Variants in LOXL2 observed in about 807,000 individuals in gnomAD.
The protein encoded by LOXL2 is lysyl oxidase homolog 2.
In LOXL2, 70 loss-of-function variants were observed where a neutral mutation model predicts 93.0. The ratio of observed to expected loss-of-function variants is 0.75; its 90% CI spans 0.62 to 0.92. The LOEUF is 0.92. Among genes scored for constraint, LOXL2 ranks in the 40% least tolerant of loss-of-function variants. The pLI, the probability that LOXL2 is intolerant of heterozygous loss-of-function variation, is 0.00. For synonymous variants in LOXL2, 438 were observed against 413.2 expected, an observed-to-expected ratio of 1.06 and a Z score of -0.73; for missense variants, 973 against 1,054.9, an observed-to-expected ratio of 0.92 and a Z score of 1.08.
intron 9 of LOXL2, among the ~76,000 whole-genome samples, chr8:23,315,465 G>C (rs1006267691): frequency 6.6e-6 from 1 of 152,184 alleles, no homozygotes; most frequent in Non-Finnish European, 1.5e-5. Context: ...CCTAAGCTGT[G>C]GAGCATTCTG....
intron 5 of LOXL2, among the ~76,000 whole-genome samples, chr8:23,332,609 TACAC>T (rs1171410690): frequency 5.7e-5 from 4 of 69,778 alleles, no homozygotes; most frequent in Non-Finnish European, 1.0e-4. Context: ...CTCACAATCA[TACAC>T]ACCCAACACA....
intron 1 of LOXL2, among the ~76,000 whole-genome samples, chr8:23,383,045 T>G (rs1409145230): frequency 6.6e-6 from 1 of 152,150 alleles, no homozygotes; most frequent in East Asian, 1.9e-4. Flanking sequence ...GTACCTAACA[T>G]GCCTCTCCGT....
chr8:23,384,680 G>T (rs555857958), intron 1 of LOXL2, among the ~76,000 whole-genome samples: 4 of 152,122 alleles, frequency 2.6e-5, no homozygotes, highest in Non-Finnish European at 4.4e-5. Context: ...TTTGAAGGCC[G>T]AGGCGGGCGG....
chr8:23,309,994 C>A lies in LOXL2; in HGVS notation c.1637-83G>T, dbSNP rs557035355. 473 of 1,372,796 alleles carry A rather than the reference C, an allele frequency of 3.4e-4. 1 individual carries two copies. The highest frequency in any genetic ancestry group is 4.4e-4 in the Non-Finnish European group (459 of 1,049,450). 85.0% of individuals were successfully genotyped at this position (1,372,796 alleles called of 1,614,324 possible). A position where few individuals can be genotyped will look rare whatever the true frequency, so the allele number is the denominator to read the frequency against. On this transcript the variant is annotated intron_variant, in intron 9 of 13. Transcript: ENST00000389131. Reference sequence around the variant, plus strand: ...TTCTGATTCTTGAGCTGGGACAAACCCCCTCTCCTGCCTACCGCCACCTTC... The same window carrying A: ...TTCTGATTCTTGAGCTGGGACAAACACCCTCTCCTGCCTACCGCCACCTTC...
rs1803624089 is a variant in LOXL2, at chr8:23,328,522, C to T, written c.1010G>A (p.Gly337Asp). 1 of 1,613,920 alleles carries T rather than the reference C, an allele frequency of 6.2e-7. No homozygotes were observed. The highest frequency in any genetic ancestry group is 1.1e-5 in the South Asian group (1 of 91,088). ...TCCATTTTTGAGCACCTCCACGCGG[C>T]CCTCCCCGATGTAGGCACCGCCTCT... Reference protein sequence around the residue: ...RLRGGAYIGEGRVEVLKNGEW... With the variant: ...RLRGGAYIGEDRVEVLKNGEW... The change falls in exon 6 of 14, where the codon GGC becomes GAC. Residue 337 changes from glycine (G) to aspartate (D), a missense_variant. Coordinates refer to ENST00000389131, the MANE Select transcript of LOXL2 (RefSeq NM_002318.3).
rs544079260 is a variant in LOXL2, at chr8:23,297,906, C to G, written c.*137G>C. On this transcript the variant is annotated 3_prime_UTR_variant, in exon 14 of 14. Coordinates refer to ENST00000389131, the MANE Select transcript of LOXL2 (RefSeq NM_002318.3). ...GTCCCTTTCCTCCTGAGCTTAGACA[C>G]AGCTGTAGGGGTCTGGACAGGGTGG... 260 of 661,016 alleles carry G rather than the reference C, an allele frequency of 3.9e-4. No individual in the cohort carries two copies. The African/African-American group carries it at 4.3e-3, about 11-fold the overall frequency. 40.9% of individuals were successfully genotyped at this position (661,016 alleles called of 1,614,324 possible). A position where few individuals can be genotyped will look rare whatever the true frequency, so the allele number is the denominator to read the frequency against.
chr8:23,300,691 G>A (rs955849032), intron 12 of LOXL2, among the ~76,000 whole-genome samples: 2 of 152,212 alleles, frequency 1.3e-5, no homozygotes, highest in Non-Finnish European at 2.9e-5. Context: ...TGATATGTCT[G>A]GGGTTGGGTG....
rs536829016 is a variant in LOXL2, at chr8:23,343,377, C to T, written c.532-2174G>A. 2.0e-5 allele frequency among the ~76,000 whole-genome samples: 3 copies of T among 152,304 alleles called. No individual in the cohort carries two copies. The South Asian group carries it at 6.2e-4, about 32-fold the overall frequency. ...TTACAGATGAGAATACCAGCTGACT[C>T]CAGTTCCCTCCCTAGGGCCACCCCG... On this transcript the variant is annotated intron_variant, in intron 3 of 13. Transcript: ENST00000389131.
chr8:23,402,460 AG>A (rs1482046902), intron 1 of LOXL2: 1 of 153,220 alleles, frequency 6.5e-6, no homozygotes, highest in Non-Finnish European at 1.5e-5. Flanking sequence ...GACCAGGAAG[AG>A]GAACGGGACA....
rs201793873 is a variant in LOXL2, at chr8:23,400,834, CAG to C, written c.-84+3118_-84+3119del. Among the ~76,000 whole-genome samples, 793 of 152,274 alleles carry C rather than the reference CAG, an allele frequency of 5.2e-3. 5 individuals are homozygous for C. Among genetic ancestry groups the C allele is most frequent in the Non-Finnish European group, 9.4e-3 (642 of 68,018 alleles). The stretch of plus-strand genomic sequence containing the variant: ...TGAGGAAGTACACTGCTCTCTAGTT[CAG>C]AGAGGGCAGCTCTGAGCCCTTACAG... On this transcript the variant is annotated intron_variant, in intron 1 of 13. Transcript: ENST00000389131.
intron 1 of LOXL2, among the ~76,000 whole-genome samples, chr8:23,381,648 C>T (rs190188828): frequency 2.6e-5 from 4 of 152,190 alleles, no homozygotes; most frequent in African/African-American, 4.8e-5. Context: ...TGCCTTATAC[C>T]CCTTTTTCTA....
intron 1 of LOXL2, among the ~76,000 whole-genome samples, chr8:23,387,479 A>T (rs995302681): frequency 2.5e-4 from 38 of 152,312 alleles, no homozygotes; most frequent in African/African-American, 8.7e-4. Flanking sequence ...CAGGAAAAAC[A>T]GGCGGGATGC....
At chr8:23,392,113 T>C (rs1804853717) in intron 1 of LOXL2, among the ~76,000 whole-genome samples, 2 of 152,322 alleles carry the variant, frequency 1.3e-5, no homozygotes, top group Admixed American at 1.3e-4. Context: ...ATCAATCCTT[T>C]AGGCCTGTGC....
rs139623962 is a variant in LOXL2 at position 23,402,327 on chromosome 8, G to A, written c.-84+1627C>T. ...TGCACACATGCATACACAAACGTGC[G>A]CGCGTGCACACACAGATTAGTGAGA... is the stretch of plus-strand genomic sequence containing the variant. On this transcript the variant is annotated intron_variant, in intron 1 of 13. Coordinates refer to ENST00000389131, the MANE Select transcript of LOXL2 (RefSeq NM_002318.3). Among the ~76,000 whole-genome samples, 927 of 151,992 alleles carry A rather than the reference G, an allele frequency of 6.1e-3. 16 individuals carry two copies. The highest frequency in any genetic ancestry group is 0.034 in the Admixed American group (521 of 15,270).
At chr8:23,307,683 C>A (rs189173601) in intron 10 of LOXL2, among the ~76,000 whole-genome samples, 194 of 152,262 alleles carry the variant, frequency 1.3e-3, no homozygotes, top group Middle Eastern at 0.01. Flanking sequence ...CAGCCCCCGC[C>A]GCCCAGGGCT....
At chr8:23,337,078 T>C (rs883524) in intron 4 of LOXL2, 24,912 of 152,182 alleles carry the variant, frequency 0.16, 2,220 homozygotes, top group South Asian at 0.33. Context: ...TTTCTGCTTA[T>C]ACAGATTAAG....
intron 7 of LOXL2, among the ~76,000 whole-genome samples, chr8:23,320,308 C>A (rs770346525): frequency 6.6e-6 from 1 of 152,224 alleles, no homozygotes; most frequent in African/African-American, 2.4e-5. Flanking sequence ...CAGAAGCTGA[C>A]CCTGCTCCCC....
At chr8:23,305,600 G>A (rs1238266757) in intron 10 of LOXL2, among the ~76,000 whole-genome samples, 2 of 151,344 alleles carry the variant, frequency 1.3e-5, no homozygotes, top group Non-Finnish European at 2.9e-5. Context: ...TGGCGAGGAA[G>A]GTATTCCTCC....
intron 10 of LOXL2, among the ~76,000 whole-genome samples, chr8:23,306,819 G>A (rs1803237190): frequency 6.6e-6 from 1 of 152,260 alleles, no homozygotes; most frequent in Non-Finnish European, 1.5e-5. Flanking sequence ...TCCTGTCAGA[G>A]CGTGGCACAT....
Sources: allele counts gnomAD v4.1 joint callset (sites outside exome capture counted in the v4.1 genomes callset), GRCh38; gene constraint gnomAD v4.1.1; transcripts MANE v1.5; gene names NCBI Gene and HGNC (gene_info 2026-07-23, HGNC 2026-07-21).